ITGA1: variants seen among roughly 807,000 people sequenced by gnomAD.
The protein encoded by ITGA1 is integrin subunit alpha 1.
A neutral mutation model predicts 145.9 loss-of-function variants in ITGA1; 85 were observed. That is an observed-to-expected ratio of 0.58 (90% CI 0.49 to 0.70). The LOEUF is 0.70. ITGA1 is among the 30% of genes least tolerant of loss of function. ITGA1 has a pLI of 0.00. For synonymous variants in ITGA1, 520 were observed against 495.3 expected (o/e 1.05, Z -0.66); for missense variants, 1,351 against 1,418.7 (o/e 0.95, Z 0.77).
At chr5:52,881,342 G>C (rs961595343) in intron 6 of ITGA1, among the ~76,000 whole-genome samples, 2 of 152,152 alleles carry the variant, frequency 1.3e-5, no homozygotes, top group African/African-American at 4.8e-5. Flanking sequence ...CACATACACA[G>C]TTTCCCCTGT....
At chr5:52,837,440 G>A (rs1233821972) in intron 1 of ITGA1, among the ~76,000 whole-genome samples, 1 of 152,132 alleles carries the variant, frequency 6.6e-6, no homozygotes, top group Non-Finnish European at 1.5e-5. Flanking sequence ...AATGTCAGAA[G>A]TGGAAAGTTA....
intron 1 of ITGA1, among the ~76,000 whole-genome samples, chr5:52,797,221 C>T (rs1393954452): frequency 2.0e-5 from 3 of 151,792 alleles, no homozygotes; most frequent in Non-Finnish European, 4.4e-5. Flanking sequence ...GTTTCACATA[C>T]AACAGTAATT....
chr5:52,809,281 T>G (rs1314929796), intron 1 of ITGA1, among the ~76,000 whole-genome samples: 1 of 151,904 alleles, frequency 6.6e-6, no homozygotes, highest in Admixed American at 6.6e-5. Flanking sequence ...AAAAACACAG[T>G]CTACAATGGG....
chr5:52,841,399 C>T (rs1204572954), intron 1 of ITGA1, among the ~76,000 whole-genome samples: 1 of 152,030 alleles, frequency 6.6e-6, no homozygotes, highest in African/African-American at 2.4e-5. Flanking sequence ...CTCTTTGTTC[C>T]CCATATCTTT....
At chr5:52,867,377 T>C (rs1379549607) in intron 6 of ITGA1, among the ~76,000 whole-genome samples, 2 of 152,208 alleles carry the variant, frequency 1.3e-5, no homozygotes, top group African/African-American at 4.8e-5. Flanking sequence ...TTGAAATCAG[T>C]GTAAAATCAT....
At chr5:52,843,250 TA>T (rs1749284674) in intron 1 of ITGA1, among the ~76,000 whole-genome samples, 1 of 152,148 alleles carries the variant, frequency 6.6e-6, no homozygotes, top group South Asian at 2.1e-4. Context: ...TTCCTTATGT[TA>T]AAAATAATAA....
At chr5:52,944,538 G>A (rs1339318303) in intron 26 of ITGA1, among the ~76,000 whole-genome samples, 1 of 152,072 alleles carries the variant, frequency 6.6e-6, no homozygotes, top group Non-Finnish European at 1.5e-5. Context: ...AGATGGCTGT[G>A]TCTAGTTAGC....
rs183519478 is a variant in ITGA1, at chr5:52,927,468, G to A, written c.2614-116G>A. On this transcript the variant is annotated intron_variant, in intron 19 of 28. Coordinates refer to ENST00000282588, the MANE Select transcript of ITGA1 (RefSeq NM_181501.2). ...ATTCTGTGCCTCTTCCAGCTAAATC[G>A]AGACAAAAATAGTGGCAAGGCAGTC... 7.5e-4 allele frequency: 489 copies of A among 650,690 alleles called. 2 individuals carry two copies. In the African/African-American group the frequency reaches 7.6e-3, roughly 10 times the overall value. 40.3% of individuals were successfully genotyped at this position (650,690 alleles called of 1,614,324 possible).
chr5:52,951,260 C>T (rs1378213171), intron 28 of ITGA1, among the ~76,000 whole-genome samples: 2 of 152,250 alleles, frequency 1.3e-5, no homozygotes, highest in East Asian at 3.9e-4. Flanking sequence ...TGCCTTTGCT[C>T]GATCTATTAT....
chr5:52,789,232 T>C (rs904064573), intron 1 of ITGA1, among the ~76,000 whole-genome samples: 1 of 151,806 alleles, frequency 6.6e-6, no homozygotes, highest in African/African-American at 2.4e-5. Flanking sequence ...TGGGGGAAAG[T>C]TGAAATGGTG....
chr5:52,839,189 A>G (rs1247330377), intron 1 of ITGA1, among the ~76,000 whole-genome samples: 1 of 152,162 alleles, frequency 6.6e-6, no homozygotes, highest in Non-Finnish European at 1.5e-5. Context: ...AGTGAAGAAT[A>G]CCTGTTATAT....
chr5:52,896,473 T>A (rs1013213455), intron 9 of ITGA1, among the ~76,000 whole-genome samples: 4 of 152,206 alleles, frequency 2.6e-5, no homozygotes, highest in African/African-American at 9.6e-5. Context: ...CACTGCCGCG[T>A]CTAATCTAGT....
chr5:52,867,448 T>G (rs1318922523), intron 6 of ITGA1, among the ~76,000 whole-genome samples: 1 of 152,206 alleles, frequency 6.6e-6, no homozygotes, highest in Non-Finnish European at 1.5e-5. Context: ...GTGACTTATT[T>G]GCAATTGACC....
At chr5:52,930,795 A>G (rs1005828130) in intron 21 of ITGA1, among the ~76,000 whole-genome samples, 2 of 152,206 alleles carry the variant, frequency 1.3e-5, no homozygotes, top group Non-Finnish European at 2.9e-5. Flanking sequence ...AGCAATGAAA[A>G]TAAACAGGGA....
chr5:52,849,177 A>G (rs1749386902), intron 1 of ITGA1, among the ~76,000 whole-genome samples, 188 bp from the exon 2 acceptor site: 2 of 152,182 alleles, frequency 1.3e-5, no homozygotes, highest in Non-Finnish European at 2.9e-5. Context: ...TGGTTGAACT[A>G]GTTTATTTGG....
At chr5:52,918,306 G>C (rs187794419) in intron 15 of ITGA1, among the ~76,000 whole-genome samples, 1 of 152,268 alleles carries the variant, frequency 6.6e-6, no homozygotes, top group East Asian at 1.9e-4. Context: ...CCTAGAAATA[G>C]AGGAAGAGCT....
At chr5:52,943,333 G>A (rs1751081710) in intron 26 of ITGA1, among the ~76,000 whole-genome samples, 2 of 152,198 alleles carry the variant, frequency 1.3e-5, no homozygotes, top group South Asian at 4.1e-4. Context: ...TAAGTTGAGT[G>A]TAGTCATTTG....
chr5:52,839,565 A>G (rs976329338), intron 1 of ITGA1, among the ~76,000 whole-genome samples: 3 of 152,180 alleles, frequency 2.0e-5, no homozygotes, highest in Non-Finnish European at 2.9e-5. Context: ...TTCATGCCTT[A>G]AAAGAAAGAA....
chr5:52,903,971 C>T (rs1750355419), intron 11 of ITGA1: 1 of 152,286 alleles, frequency 6.6e-6, no homozygotes, highest in South Asian at 2.1e-4. Flanking sequence ...AGATTGAAAT[C>T]TTCGTGTTCA....
Sources: allele counts gnomAD v4.1 joint callset (sites outside exome capture counted in the v4.1 genomes callset), GRCh38; gene constraint gnomAD v4.1.1; transcripts MANE v1.5; gene names NCBI Gene and HGNC (gene_info 2026-07-23, HGNC 2026-07-21).